The following ARHGAP22 variants were observed in gnomAD, a reference collection of about 807,000 sequenced individuals.
The protein encoded by ARHGAP22 is rho GTPase-activating protein 22.
In ARHGAP22, 48 loss-of-function variants were observed where a neutral mutation model predicts 59.1. That is an observed-to-expected ratio of 0.81 (90% CI 0.64 to 1.03). The LOEUF is 1.03. ARHGAP22 is among the 50% of genes least tolerant of loss of function. The pLI, the probability that ARHGAP22 is intolerant of heterozygous loss-of-function variation, is 0.00. For missense variants in ARHGAP22, 1,015 were observed against 958.7 expected, an observed-to-expected ratio of 1.06 and a Z score of -0.78; for synonymous variants, 445 against 416.4, an observed-to-expected ratio of 1.07 and a Z score of -0.84.
intron 2 of ARHGAP22, chr10:48,556,524 A>G (rs575822182): frequency 9.2e-5 from 14 of 152,316 alleles, no homozygotes; most frequent in African/African-American, 3.1e-4. Flanking sequence ...GGTCCTCTCA[A>G]TGGGAAACGC....
intron 2 of ARHGAP22, among the ~76,000 whole-genome samples, chr10:48,555,804 A>T (rs948855111): frequency 3.9e-5 from 6 of 152,048 alleles, no homozygotes; most frequent in African/African-American, 1.2e-4. Flanking sequence ...GGCAGGGGGA[A>T]CTCTGGAGCA....
downstream of ARHGAP22, chr10:48,445,725 C>A: frequency 6.5e-6 from 1 of 153,748 alleles, no homozygotes; most frequent in Non-Finnish European, 1.4e-5. Flanking sequence ...GGCTCTGGCC[C>A]TGGAGCAGAG....
upstream of ARHGAP22, among the ~76,000 whole-genome samples, chr10:48,654,047 A>G (rs944084219): frequency 1.7e-4 from 26 of 152,232 alleles, no homozygotes; most frequent in African/African-American, 5.3e-4. Flanking sequence ...AAAAGAAAAT[A>G]CCACCAGGTA....
At chr10:48,554,687 G>T (rs997158192) in intron 3 of ARHGAP22, among the ~76,000 whole-genome samples, 1 of 152,156 alleles carries the variant, frequency 6.6e-6, no homozygotes, top group Non-Finnish European at 1.5e-5. Context: ...GGTGGGTAGA[G>T]CCCCAGCCTC....
At chr10:48,435,312 G>T in the ARHGAP22 span, 1 of 297,206 alleles carries the variant, frequency 3.4e-6, no homozygotes, top group Non-Finnish European at 6.1e-6. Flanking sequence ...TTGCATATTT[G>T]CTTTATCTTA....
chr10:48,550,887 T>C (rs2056843005), intron 3 of ARHGAP22, among the ~76,000 whole-genome samples: 1 of 152,180 alleles, frequency 6.6e-6, no homozygotes, highest in Non-Finnish European at 1.5e-5. Flanking sequence ...GGGTCCAGAG[T>C]GTGTGCCACT....
At chr10:48,597,218 G>A (rs1217921413) in intron 1 of ARHGAP22, among the ~76,000 whole-genome samples, 1 of 152,092 alleles carries the variant, frequency 6.6e-6, no homozygotes, top group Non-Finnish European at 1.5e-5. Context: ...GTTTGAAGAG[G>A]ATGGGAACTC....
rs575621861 is a variant in ARHGAP22 at position 48,451,079 on chromosome 10, C to G, written c.1050G>C (p.Thr350=). The change falls in exon 9 of 10, where the codon ACG becomes ACC. Residue 350 remains threonine (T), a synonymous_variant. Transcript: ENST00000249601. ...AGGTGGGCCCTTCCGGGACCGGTGCCGTGAAGAGCTGGCTGTGTTTGCGGA... is the reference window on the plus strand; with the variant it reads ...AGGTGGGCCCTTCCGGGACCGGTGCGGTGAAGAGCTGGCTGTGTTTGCGGA... ...VLIRKHSQLF[T]APVPEGPTSP... The G allele has an allele frequency of 3.2e-6, 5 of 1,552,670 alleles. No individual in the cohort carries two copies. The East Asian group carries it at 7.3e-5, about 23-fold the overall frequency.
At chr10:48,655,248 T>TGG (rs2062763955), upstream of ARHGAP22, among the ~76,000 whole-genome samples, 2 of 110,180 alleles carry the variant, frequency 1.8e-5, no homozygotes, top group Admixed American at 1.8e-4. Context: ...TGGATGTGTG[T>TGG]GTGTGTGTGG....
intron 1 of ARHGAP22, among the ~76,000 whole-genome samples, chr10:48,628,532 G>A (rs1226537001): frequency 2.6e-5 from 4 of 152,092 alleles, no homozygotes; most frequent in Non-Finnish European, 5.9e-5. Flanking sequence ...GTATGATGGA[G>A]TTGACTGCCT....
At chr10:48,535,337 G>T (rs964072733) in intron 3 of ARHGAP22, among the ~76,000 whole-genome samples, 9 of 152,222 alleles carry the variant, frequency 5.9e-5, no homozygotes, top group Non-Finnish European at 1.2e-4. Context: ...AGCATGAAAA[G>T]GGAAGAGGGA....
chr10:48,509,478 A>G (rs766936265), intron 3 of ARHGAP22, among the ~76,000 whole-genome samples: 3 of 152,230 alleles, frequency 2.0e-5, no homozygotes, highest in Non-Finnish European at 4.4e-5. Flanking sequence ...AGATTCTACA[A>G]ATAGCACTAA....
Position 48,450,261 on chromosome 10 carries a change from CT to C in ARHGAP22, c.1867del (p.Arg623GlufsTer9), listed in dbSNP as rs2045777012. 6.2e-7 allele frequency: 1 copy of C among 1,608,676 alleles called. No individual in the cohort carries two copies. On this transcript the variant is annotated frameshift_variant and splice_region_variant, in exon 9 of 10. Coordinates refer to ENST00000249601, the MANE Select transcript of ARHGAP22 (RefSeq NM_021226.4). LOFTEE classifies it low-confidence loss of function (END_TRUNC). ...GAGGCTCCACGGGGCAGCAAGTTAC[CT>C]TTTCACACTCCTCTCGTACTCAGTC... ...QRTEYERSVK[R>X]IEEGSADLRK...
intron 4 of ARHGAP22, among the ~76,000 whole-genome samples, chr10:48,475,748 T>C (rs1238303149): frequency 6.6e-6 from 1 of 152,180 alleles, no homozygotes; most frequent in African/African-American, 2.4e-5. Context: ...AGCTCCTAAC[T>C]GGCTTTGGTC....
chr10:48,465,060 G>C (rs1257850888), intron 4 of ARHGAP22, among the ~76,000 whole-genome samples: 2 of 152,174 alleles, frequency 1.3e-5, no homozygotes, highest in Non-Finnish European at 2.9e-5. Context: ...CCCTCATCAG[G>C]GTCTCTCAGG....
At position 48,479,703 on chromosome 10, in the gene ARHGAP22, G is replaced by A. The variant is rs2049098145; in HGVS notation, c.384C>T (p.Ser128=). 6.2e-7 allele frequency: 1 copy of A among 1,610,802 alleles called. No individual in the cohort carries two copies. The highest frequency in any genetic ancestry group is 1.7e-5 in the Admixed American group (1 of 59,772). ...CCCAGTCCTCCATGTCACGCTGGGAGCTGGCCATGAGCAGGAGCGCCTCGG... is the reference window on the plus strand; with the variant it reads ...CCCAGTCCTCCATGTCACGCTGGGAACTGGCCATGAGCAGGAGCGCCTCGG... ...ANPEALLLMA[S]SQRDMEDWVQ... The change falls in exon 4 of 10, where the codon AGC becomes AGT. Residue 128 remains serine, a synonymous_variant. Coordinates refer to ENST00000249601, the MANE Select transcript of ARHGAP22 (RefSeq NM_021226.4).
chr10:48,475,199 C>T (rs1287401607), intron 4 of ARHGAP22, among the ~76,000 whole-genome samples: 1 of 152,196 alleles, frequency 6.6e-6, no homozygotes, highest in Admixed American at 6.5e-5. Context: ...ATCAGCAGCA[C>T]TTGGCTGCAG....
intron 3 of ARHGAP22, among the ~76,000 whole-genome samples, chr10:48,530,879 TAAAA>T (rs2054778987): frequency 2.6e-4 from 1 of 3,846 alleles, no homozygotes; most frequent in Non-Finnish European, 1.8e-3. Context: ...CTTAAAGAAC[TAAAA>T]GTAAAACTAC....
chr10:48,600,551 C>CAAA (rs5784770), intron 1 of ARHGAP22, among the ~76,000 whole-genome samples: 16 of 138,954 alleles, frequency 1.2e-4, no homozygotes, highest in Admixed American at 7.9e-4. Context: ...GAGGAGTATT[C>CAAA]AAAAAAAAAA....
Sources: gnomAD v4.1 joint callset for allele counts (sites outside exome capture counted in the v4.1 genomes callset) on GRCh38, gnomAD v4.1.1 for gene constraint, MANE v1.5 for transcripts, NCBI Gene and HGNC (gene_info 2026-07-23, HGNC 2026-07-21) for gene names.